Variants in TMEM132C observed in about 807,000 individuals in gnomAD.
TMEM132C encodes protein phosphatase 1, regulatory subunit 152.
A neutral mutation model predicts 61.4 loss-of-function variants in TMEM132C; 29 were observed. The observed-to-expected ratio is 0.47, with a 90% CI of 0.35 to 0.64. The LOEUF (loss-of-function observed/expected upper bound fraction) is 0.64, where lower values mean the gene tolerates loss of function less well. Ranked by LOEUF, TMEM132C falls within the 30% of genes least tolerant of loss-of-function variation. The pLI, the probability that TMEM132C is intolerant of heterozygous loss-of-function variation, is 0.00. For missense variants in TMEM132C, 1,408 were observed against 1,476.9 expected, an observed-to-expected ratio of 0.95 and a Z score of 0.76; for synonymous variants, 656 against 633.1, an observed-to-expected ratio of 1.04 and a Z score of -0.54.
chr12:128,288,315 C>T (rs1238529679), intron 1 of TMEM132C: 1 of 152,338 alleles, frequency 6.6e-6, no homozygotes, highest in Non-Finnish European at 1.5e-5. Context: ...GCCTCGGCCT[C>T]CCAAAGTGCT....
At chr12:128,316,797 G>T (rs955505064) in intron 1 of TMEM132C, among the ~76,000 whole-genome samples, 1 of 152,092 alleles carries the variant, frequency 6.6e-6, no homozygotes, top group African/African-American at 2.4e-5. Context: ...CACAGGTACA[G>T]AATTGGCTTA....
intron 1 of TMEM132C, among the ~76,000 whole-genome samples, chr12:128,312,117 C>A (rs1171539370): frequency 1.3e-5 from 2 of 152,198 alleles, no homozygotes; most frequent in Non-Finnish European, 2.9e-5. Flanking sequence ...CTCCCTCTCT[C>A]AGTTCTGCTT....
At chr12:128,279,344 T>G (rs547845006) in intron 1 of TMEM132C, among the ~76,000 whole-genome samples, 1 of 152,306 alleles carries the variant, frequency 6.6e-6, no homozygotes, top group East Asian at 1.9e-4. Context: ...ACTTTGTTCA[T>G]TAGCCCGACG....
intron 5 of TMEM132C, among the ~76,000 whole-genome samples, chr12:128,676,667 TACAC>T (rs1419056713): frequency 3.9e-5 from 6 of 152,204 alleles, no homozygotes; most frequent in Non-Finnish European, 7.3e-5. Flanking sequence ...TCTACATACA[TACAC>T]ATACACGCTC....
chr12:128,601,996 C>T (rs1260226983), intron 3 of TMEM132C, among the ~76,000 whole-genome samples: 1 of 151,936 alleles, frequency 6.6e-6, no homozygotes. Context: ...GAGGATTGCT[C>T]GAGGCCAGGA....
chr12:128,573,686 GC>G (rs1272807730), intron 3 of TMEM132C, among the ~76,000 whole-genome samples: 1 of 152,010 alleles, frequency 6.6e-6, no homozygotes, highest in Non-Finnish European at 1.5e-5. Context: ...AATGGTGGAT[GC>G]CAGAGGCTGG....
chr12:128,359,629 A>G (rs1374558857), intron 1 of TMEM132C, among the ~76,000 whole-genome samples: 1 of 152,134 alleles, frequency 6.6e-6, no homozygotes, highest in Non-Finnish European at 1.5e-5. Context: ...TCAGACAAAC[A>G]CCAAGATTAT....
At chr12:128,404,070 C>T (rs1875256989) in intron 1 of TMEM132C, among the ~76,000 whole-genome samples, 1 of 152,102 alleles carries the variant, frequency 6.6e-6, no homozygotes, top group Non-Finnish European at 1.5e-5. Context: ...TTGTGACAAC[C>T]AAAAAATGTC....
intron 4 of TMEM132C, among the ~76,000 whole-genome samples, chr12:128,622,695 A>G (rs2135588641): frequency 6.6e-6 from 1 of 152,136 alleles, no homozygotes; most frequent in Admixed American, 6.5e-5. Flanking sequence ...CGCGTTAGCA[A>G]TATCTTCTGT....
intron 1 of TMEM132C, among the ~76,000 whole-genome samples, chr12:128,408,211 A>C (rs75078089): frequency 0.01 from 1,592 of 152,330 alleles, 31 homozygotes; most frequent in African/African-American, 0.035. Context: ...AGGTGAGACC[A>C]CAAGCCCACT....
At chr12:128,478,881 G>C (rs903085813) in intron 2 of TMEM132C, among the ~76,000 whole-genome samples, 1 of 152,208 alleles carries the variant, frequency 6.6e-6, no homozygotes, top group Non-Finnish European at 1.5e-5. Flanking sequence ...AGGATGTATG[G>C]TACTGTTCTC....
intron 1 of TMEM132C, among the ~76,000 whole-genome samples, chr12:128,321,151 A>AATG (rs1872320760): frequency 6.8e-6 from 1 of 147,842 alleles, no homozygotes; most frequent in South Asian, 2.1e-4. Flanking sequence ...TAATAATAAT[A>AATG]ATAATAATAA....
At chr12:128,584,181 C>A (rs1266003775) in intron 3 of TMEM132C, among the ~76,000 whole-genome samples, 1 of 152,208 alleles carries the variant, frequency 6.6e-6, no homozygotes, top group Non-Finnish European at 1.5e-5. Context: ...ACCATCTCTG[C>A]CCCAGCTGGA....
chr12:128,286,639 T>G (rs1871082534), intron 1 of TMEM132C, among the ~76,000 whole-genome samples: 1 of 152,228 alleles, frequency 6.6e-6, no homozygotes, highest in Non-Finnish European at 1.5e-5. Context: ...CTCAGGACCA[T>G]TTTTCATTTC....
intron 2 of TMEM132C, among the ~76,000 whole-genome samples, chr12:128,425,113 C>T (rs1001199351): frequency 3.9e-5 from 6 of 152,158 alleles, no homozygotes; most frequent in African/African-American, 1.2e-4. Flanking sequence ...TAAGAGGATA[C>T]TTGAAAGGGC....
intron 1 of TMEM132C, among the ~76,000 whole-genome samples, chr12:128,363,733 T>C (rs1873775260): frequency 6.6e-6 from 1 of 151,034 alleles, no homozygotes; most frequent in Admixed American, 6.6e-5. Context: ...TAGTCCCAGC[T>C]ACTCAGGAGG....
chr12:128,619,508 T>A (rs898086154), intron 4 of TMEM132C, among the ~76,000 whole-genome samples: 1 of 152,200 alleles, frequency 6.6e-6, no homozygotes, highest in Non-Finnish European at 1.5e-5. Flanking sequence ...ACTCTTTTGT[T>A]TGGAGAGGAC....
chr12:128,346,797 G>A (rs1713628), intron 1 of TMEM132C, among the ~76,000 whole-genome samples: 130,697 of 152,132 alleles, frequency 0.86, 57,614 homozygotes, highest in East Asian at 1. Flanking sequence ...TAAATTGACC[G>A]TAAGTGCGAG....
At position 128,553,088 on chromosome 12, in the gene TMEM132C, T is replaced by C. The variant is rs542153360; in HGVS notation, c.1121+8985T>C. Among the ~76,000 whole-genome samples, 12 of 151,398 alleles carry C rather than the reference T, an allele frequency of 7.9e-5. No individual in the cohort carries two copies. In the East Asian group the frequency reaches 1.2e-3, roughly 15 times the overall value. The stretch of plus-strand genomic sequence containing the variant: ...AGTCTTTTGGCTTCTCTGGGCCACA[T>C]TGGAAGAATTGTCTTTGGGCCACAC... On this transcript the variant is annotated intron_variant, in intron 3 of 8. Coordinates refer to ENST00000435159, the MANE Select transcript of TMEM132C (RefSeq NM_001136103.3).
Sources: allele counts gnomAD v4.1 joint callset (sites outside exome capture counted in the v4.1 genomes callset), GRCh38; gene constraint gnomAD v4.1.1; transcripts MANE v1.5; gene names NCBI Gene and HGNC (gene_info 2026-07-23, HGNC 2026-07-21).